Variants in VTI1A observed in about 807,000 individuals in gnomAD.
VTI1A encodes the protein vesicle transport through interaction with t-SNAREs homolog 1A.
VTI1A carries 22 observed loss-of-function variants against 34.9 expected under a neutral mutation model. The ratio of observed to expected loss-of-function variants is 0.63; its 90% CI spans 0.45 to 0.90. VTI1A has a LOEUF of 0.90. VTI1A is among the 40% of genes least tolerant of loss of function. The probability of loss-of-function intolerance (pLI) is 0.00; values close to 1 mark genes in which losing one functional copy is unlikely to be tolerated. For synonymous variants in VTI1A, 87 were observed against 97.3 expected (o/e 0.89, Z 0.62); for missense variants, 268 against 275.6 (o/e 0.97, Z 0.20).
intron 7 of VTI1A, among the ~76,000 whole-genome samples, chr10:112,753,113 G>A (rs1851161149): frequency 1.3e-5 from 2 of 151,982 alleles, no homozygotes; most frequent in Non-Finnish European, 2.9e-5. Context: ...AATAGATGTA[G>A]CCCTGAGGCA....
chr10:112,575,002 G>A (rs1852278579), intron 5 of VTI1A, among the ~76,000 whole-genome samples: 1 of 152,184 alleles, frequency 6.6e-6, no homozygotes, highest in South Asian at 2.1e-4. Flanking sequence ...GCCCTGATGT[G>A]TTAAGTAGCT....
intron 5 of VTI1A, among the ~76,000 whole-genome samples, chr10:112,609,902 A>G (rs1360345152): frequency 2.6e-5 from 4 of 152,076 alleles, no homozygotes; most frequent in South Asian, 4.2e-4. Context: ...GGTACTCTGA[A>G]TCTCACTTTT....
chr10:112,644,711 TCTAA>T (rs1388767591), intron 5 of VTI1A, among the ~76,000 whole-genome samples: 3 of 152,172 alleles, frequency 2.0e-5, no homozygotes, highest in Non-Finnish European at 2.9e-5. Context: ...TCATTACATT[TCTAA>T]CTGTTTTTTA....
intron 4 of VTI1A, among the ~76,000 whole-genome samples, chr10:112,533,258 C>T (rs896451476): frequency 3.3e-5 from 5 of 152,134 alleles, no homozygotes; most frequent in Middle Eastern, 3.4e-3. Flanking sequence ...CCCTTTATTT[C>T]ATGATGGTGT....
intron 3 of VTI1A, among the ~76,000 whole-genome samples, chr10:112,524,313 TAA>T (rs1234144742): frequency 2.0e-5 from 3 of 152,242 alleles, no homozygotes; most frequent in South Asian, 4.1e-4. Context: ...AACTCACATA[TAA>T]AGAGTTCAGT....
intron 7 of VTI1A, among the ~76,000 whole-genome samples, chr10:112,695,576 T>C (rs1237595190): frequency 6.6e-6 from 1 of 152,238 alleles, no homozygotes; most frequent in Non-Finnish European, 1.5e-5. Context: ...ATATTTGCTT[T>C]TGCAAATATG....
chr10:112,561,476 T>C (rs918489068), intron 5 of VTI1A, among the ~76,000 whole-genome samples: 15 of 152,218 alleles, frequency 9.9e-5, no homozygotes, highest in Non-Finnish European at 1.6e-4. Flanking sequence ...AGTGTCTTTG[T>C]GTAAATCTCA....
chr10:112,821,329 C>G (rs866639894), downstream of VTI1A, among the ~76,000 whole-genome samples: 5 of 152,114 alleles, frequency 3.3e-5, no homozygotes, highest in Non-Finnish European at 7.4e-5. Flanking sequence ...CTCCTCTCCC[C>G]CTCCCACTTC....
At chr10:112,667,917 G>A (rs11196047) in intron 5 of VTI1A, among the ~76,000 whole-genome samples, 4,352 of 152,146 alleles carry the variant, frequency 0.029, 128 homozygotes, top group East Asian at 0.1. Context: ...TAGACTAATG[G>A]ACCTCAGATC....
At chr10:112,822,825 T>C (rs116345297), downstream of VTI1A, among the ~76,000 whole-genome samples, 1,016 of 152,322 alleles carry the variant, frequency 6.7e-3, 5 homozygotes, top group African/African-American at 0.024. Context: ...TAAGCAGATT[T>C]ATTCATTCAT....
intron 5 of VTI1A, among the ~76,000 whole-genome samples, chr10:112,545,128 C>T (rs962125803): frequency 4.6e-5 from 7 of 152,110 alleles, no homozygotes; most frequent in Admixed American, 3.3e-4. Context: ...GGAATTTGGT[C>T]GTGAAGATAC....
In VTI1A at chr10:112,470,447, T is replaced by C. The variant is rs181470786; in HGVS notation, c.264+5790T>C. Among the ~76,000 whole-genome samples the C allele has an allele frequency of 1.4e-3, 208 of 152,128 alleles. 1 individual carries two copies. The highest frequency in any genetic ancestry group is 7.1e-3 in the South Asian group (34 of 4,816). ...CTGTAGTGCAGAAAAGCATAGAGAT[T>C]TGGAGTGTGGGAACAGGTTTTCAGA... On this transcript the variant is annotated intron_variant, in intron 3 of 7. Transcript: ENST00000393077.
chr10:112,654,832 T>C (rs185557996), intron 5 of VTI1A, among the ~76,000 whole-genome samples: 10 of 152,292 alleles, frequency 6.6e-5, no homozygotes, highest in Non-Finnish European at 1.5e-4. Flanking sequence ...TTGTCTTGAG[T>C]TTTGTTAGTT....
intron 5 of VTI1A, among the ~76,000 whole-genome samples, chr10:112,663,752 G>A (rs1311878106): frequency 6.6e-6 from 1 of 152,152 alleles, no homozygotes; most frequent in East Asian, 1.9e-4. Flanking sequence ...AAAGCTGTGT[G>A]TCAATCCCTC....
intron 7 of VTI1A, among the ~76,000 whole-genome samples, chr10:112,807,047 C>T (rs1036166306): frequency 1.3e-5 from 2 of 152,310 alleles, no homozygotes; most frequent in East Asian, 1.9e-4. Flanking sequence ...TCAAAAGCTT[C>T]GGAAGACTGT....
intron 3 of VTI1A, among the ~76,000 whole-genome samples, chr10:112,518,611 A>ATATATATG (rs1491386126): frequency 4.5e-5 from 6 of 134,202 alleles, no homozygotes; most frequent in Admixed American, 2.3e-4. Flanking sequence ...ATATATATAT[A>ATATATATG]TGTGTGTGTG....
intron 5 of VTI1A, among the ~76,000 whole-genome samples, chr10:112,613,889 A>G (rs1356699072): frequency 2.6e-5 from 4 of 152,208 alleles, no homozygotes; most frequent in South Asian, 2.1e-4. Flanking sequence ...GTCAGCCTCA[A>G]TTAAGCTCAT....
intron 7 of VTI1A, among the ~76,000 whole-genome samples, chr10:112,732,759 G>A (rs1161715226): frequency 6.6e-6 from 1 of 152,078 alleles, no homozygotes; most frequent in Non-Finnish European, 1.5e-5. Flanking sequence ...TTCCCCTTGG[G>A]CTACTGATGA....
At chr10:112,561,125 A>C (rs1399579902) in intron 5 of VTI1A, among the ~76,000 whole-genome samples, 1 of 152,234 alleles carries the variant, frequency 6.6e-6, no homozygotes, top group East Asian at 1.9e-4. Flanking sequence ...AGTTATAATT[A>C]AGAAAAGTAT....
Sources: allele counts gnomAD v4.1 joint callset (sites outside exome capture counted in the v4.1 genomes callset), GRCh38; gene constraint gnomAD v4.1.1; transcripts MANE v1.5; gene names NCBI Gene and HGNC (gene_info 2026-07-23, HGNC 2026-07-21).